ENPP3: variants seen among roughly 807,000 people sequenced by gnomAD.
ENPP3 encodes the protein ectonucleotide pyrophosphatase/phosphodiesterase 3.
Under a neutral mutation model 117.8 loss-of-function variants are expected in ENPP3, and 104 were observed. The ratio of observed to expected loss-of-function variants is 0.88; its 90% CI spans 0.75 to 1.04. The LOEUF is 1.04. Ranked by LOEUF, ENPP3 falls within the 50% of genes least tolerant of loss-of-function variation. The probability of loss-of-function intolerance (pLI) is 0.00; values close to 1 mark genes in which losing one functional copy is unlikely to be tolerated. For missense variants in ENPP3, 1,026 were observed against 1,051.9 expected (o/e 0.98, Z 0.34); for synonymous variants, 380 against 349.9 (o/e 1.09, Z -0.96).
At chr6:131,709,686 C>T (rs757602923) in intron 15 of ENPP3, 7 of 1,613,348 alleles carry the variant, frequency 4.3e-6, no homozygotes, top group Non-Finnish European at 5.9e-6. Context: ...CAGTTCTCTC[C>T]AATTCTTCTT....
intron 3 of ENPP3, among the ~76,000 whole-genome samples, chr6:131,650,880 A>G (rs1482247987): frequency 6.6e-6 from 1 of 152,138 alleles, no homozygotes; most frequent in African/African-American, 2.4e-5. Context: ...ATACAGGATT[A>G]AGGTCTACCC....
intron 15 of ENPP3, among the ~76,000 whole-genome samples, chr6:131,695,284 C>T (rs915159514): frequency 6.6e-6 from 1 of 152,174 alleles, no homozygotes; most frequent in African/African-American, 2.4e-5. Flanking sequence ...AGTTAGGTCA[C>T]TGGTACAGAA....
At chr6:131,681,852 G>A (rs1479408105) in intron 11 of ENPP3, among the ~76,000 whole-genome samples, 2 of 152,046 alleles carry the variant, frequency 1.3e-5, no homozygotes, top group African/African-American at 4.8e-5. Context: ...TTTTGTGGGG[G>A]ATGGGGAGAG....
intron 15 of ENPP3, among the ~76,000 whole-genome samples, chr6:131,699,260 T>C (rs1029045452): frequency 8.6e-6 from 1 of 116,340 alleles, no homozygotes; most frequent in Non-Finnish European, 1.8e-5. Context: ...AAAAAAAGGA[T>C]AAAATAGTTT....
At chr6:131,655,110 G>A (rs759639554) in intron 5 of ENPP3, among the ~76,000 whole-genome samples, 29 of 152,262 alleles carry the variant, frequency 1.9e-4, no homozygotes, top group South Asian at 4.1e-4. Context: ...TCAAGAAATC[G>A]TTAATATTTT....
chr6:131,744,929 C>T (rs1309415901), intron 24 of ENPP3, among the ~76,000 whole-genome samples: 1 of 152,070 alleles, frequency 6.6e-6, no homozygotes, highest in Admixed American at 6.6e-5. Context: ...TTGTCTACAG[C>T]TGGCTTCTGT....
chr6:131,638,696 A>T (rs1777977807), intron 1 of ENPP3: 1 of 238,648 alleles, frequency 4.2e-6, no homozygotes, highest in Non-Finnish European at 8.4e-6. Context: ...AAGTGCTGGG[A>T]CTACAGGCAT....
At chr6:131,732,852 C>G (rs758088152) in intron 20 of ENPP3, among the ~76,000 whole-genome samples, 1 of 151,734 alleles carries the variant, frequency 6.6e-6, no homozygotes, top group African/African-American at 2.4e-5. Context: ...GCCTCAGCCT[C>G]CAGAGTAGCT....
intron 14 of ENPP3, among the ~76,000 whole-genome samples, chr6:131,687,325 G>T (rs1036107980): frequency 6.6e-6 from 1 of 152,068 alleles, no homozygotes; most frequent in Non-Finnish European, 1.5e-5. Flanking sequence ...GAACATTGAA[G>T]CTGGACCCCT....
In ENPP3 at chr6:131,695,526, G is replaced by A. The variant is rs111229065; in HGVS notation, c.1412+1902G>A. On this transcript the variant is annotated intron_variant, in intron 15 of 24. Transcript: ENST00000357639. Reference sequence around the variant, plus strand: ...TTTTCTCATCTGTAACACAAGATTAGCCTAGTTTTATTATTTTCTTGCCAT... The same window carrying A: ...TTTTCTCATCTGTAACACAAGATTAACCTAGTTTTATTATTTTCTTGCCAT... Among the ~76,000 whole-genome samples, 1,434 of 152,272 alleles carry A rather than the reference G, an allele frequency of 9.4e-3. 10 individuals carry two copies. The highest frequency in any genetic ancestry group is 0.02 in the Middle Eastern group (6 of 294).
intron 5 of ENPP3, among the ~76,000 whole-genome samples, chr6:131,657,182 T>C (rs1585626282): frequency 6.6e-6 from 1 of 152,186 alleles, no homozygotes; most frequent in Non-Finnish European, 1.5e-5. Flanking sequence ...TAAATTGAGG[T>C]ATCCTATAGT....
chr6:131,664,448 A>T (rs1778573521), intron 6 of ENPP3, among the ~76,000 whole-genome samples: 1 of 152,250 alleles, frequency 6.6e-6, no homozygotes, highest in Admixed American at 6.5e-5. Context: ...ATTAAAAGTT[A>T]TTAAAGTAGA....
chr6:131,661,688 C>T (rs1295572486), intron 6 of ENPP3, among the ~76,000 whole-genome samples: 1 of 152,098 alleles, frequency 6.6e-6, no homozygotes, highest in East Asian at 1.9e-4. Context: ...TGCACAATAT[C>T]TTTCTTCTTT....
chr6:131,673,816 A>G (rs1346485335), intron 7 of ENPP3, among the ~76,000 whole-genome samples: 2 of 152,144 alleles, frequency 1.3e-5, no homozygotes, highest in African/African-American at 2.4e-5. Flanking sequence ...CAATACAACA[A>G]TGATTGACAT....
intron 19 of ENPP3, among the ~76,000 whole-genome samples, chr6:131,725,750 G>C (rs574440065): frequency 1.3e-5 from 2 of 152,102 alleles, no homozygotes; most frequent in South Asian, 2.1e-4. Context: ...GAATCACAGA[G>C]GGCAGGCTTC....
chr6:131,650,234 T>C, intron 3 of ENPP3, 85 bp downstream of exon 3: 1 of 1,469,044 alleles, frequency 6.8e-7, no homozygotes, highest in Non-Finnish European at 9.4e-7. Flanking sequence ...CTTTCCTTTT[T>C]TTTGAGACAG....
At chr6:131,746,341 A>G (rs1780635292) in intron 24 of ENPP3, among the ~76,000 whole-genome samples, 2 of 152,166 alleles carry the variant, frequency 1.3e-5, no homozygotes, top group South Asian at 4.1e-4. Context: ...TACAAACGTT[A>G]ATACCGAATG....
chr6:131,720,309 T>C lies in ENPP3; in HGVS notation c.1497T>C (p.His499=), dbSNP rs561993557. ...FRSMEAIFLA[H]GPSFKEKTEV... is the part of the protein sequence containing the mutation. ...TGACCTAGGCTATCTTTCTGGCACA[T>C]GGACCCAGTTTTAAAGAGAAGACTG... is the stretch of plus-strand genomic sequence containing the variant. Residue 499 remains histidine (H), a synonymous_variant, in exon 17 of 25, where the codon CAT becomes CAC. Transcript: ENST00000357639. The C allele has an allele frequency of 1.9e-6, 3 of 1,596,074 alleles. No homozygotes were observed. Among genetic ancestry groups the C allele is most frequent in the Non-Finnish European group, 2.6e-6 (3 of 1,168,704 alleles).
chr6:131,722,219 A>C lies in ENPP3; in HGVS notation c.1568-8A>C. The stretch of plus-strand genomic sequence containing the variant: ...AAGCTACTTTGAACTAATTTTTTCA[A>C]AAAACAGATCTTCTACGCATTCAAC... On this transcript the variant is annotated splice_polypyrimidine_tract_variant and splice_region_variant and intron_variant, in intron 17 of 24. Transcript: ENST00000357639. The C allele has an allele frequency of 1.2e-6, 2 of 1,602,528 alleles. No homozygotes were observed. The highest frequency in any genetic ancestry group is 2.3e-5 in the South Asian group (2 of 88,810).
Sources: allele counts gnomAD v4.1 joint callset (sites outside exome capture counted in the v4.1 genomes callset), GRCh38; gene constraint gnomAD v4.1.1; transcripts MANE v1.5; gene names NCBI Gene and HGNC (gene_info 2026-07-23, HGNC 2026-07-21).